The following SLC25A48 variants were observed in gnomAD, a reference collection of about 807,000 sequenced individuals.
SLC25A48 encodes the protein solute carrier family 25 member 48, also known as CTC-321K16.1.
In SLC25A48, 29 loss-of-function variants were observed where a neutral mutation model predicts 32.2. That is an observed-to-expected ratio of 0.90 (90% CI 0.67 to 1.23). The LOEUF is 1.23. Among genes scored for constraint, SLC25A48 ranks in the 50% most tolerant of loss-of-function variants. The pLI, the probability that SLC25A48 is intolerant of heterozygous loss-of-function variation, is 0.00. For synonymous variants in SLC25A48, 164 were observed against 172.3 expected (o/e 0.95, Z 0.38); for missense variants, 399 against 422.7 (o/e 0.94, Z 0.49).
intron 3 of SLC25A48, among the ~76,000 whole-genome samples, chr5:135,721,940 T>G (rs1754965094): frequency 6.6e-6 from 1 of 152,224 alleles, no homozygotes; most frequent in South Asian, 2.1e-4. Context: ...AAACCAGAAA[T>G]GATCCTCAGA....
chr5:135,795,535 C>T (rs75967598), intron 3 of SLC25A48, among the ~76,000 whole-genome samples: 7,690 of 151,840 alleles, frequency 0.051, 324 homozygotes, highest in Non-Finnish European at 0.068. Flanking sequence ...ATTGATATTA[C>T]GCTCAATATT....
chr5:135,797,924 C>T (rs1453990090), intron 3 of SLC25A48, among the ~76,000 whole-genome samples: 1 of 151,804 alleles, frequency 6.6e-6, no homozygotes, highest in Non-Finnish European at 1.5e-5. Context: ...TGATATTACT[C>T]CCAATACCGC....
At chr5:135,718,759 C>T (rs897930294) in intron 3 of SLC25A48, among the ~76,000 whole-genome samples, 2 of 151,946 alleles carry the variant, frequency 1.3e-5, no homozygotes, top group Non-Finnish European at 2.9e-5. Flanking sequence ...CCAAGGGTTA[C>T]TTACTGTATG....
At chr5:135,701,910 C>CTTAA (rs1754404674) in intron 3 of SLC25A48, among the ~76,000 whole-genome samples, 1 of 152,256 alleles carries the variant, frequency 6.6e-6, no homozygotes, top group South Asian at 2.1e-4. Flanking sequence ...CACTCTTTTG[C>CTTAA]TTAACATCCT....
Position 135,880,031 on chromosome 5 carries a change from C to T in SLC25A48, c.877C>T (p.Leu293Phe). ...CTTCCCCATGAGTGCGGCCATGTTC[C>T]TTGGGTACGAGCTGTCGCTGCAGGC... ...RGFPMSAAMF[L>F]GYELSLQAIR... The change falls in exon 7 of 8, where the codon CTT (leucine) becomes TTT (phenylalanine). Residue 293 changes from leucine to phenylalanine, a missense_variant. Transcript: ENST00000681962. 1 of 1,536,324 alleles carries T rather than the reference C, an allele frequency of 6.5e-7. No individual in the cohort carries two copies. The highest frequency in any genetic ancestry group is 8.7e-7 in the Non-Finnish European group (1 of 1,146,942).
intron 3 of SLC25A48, among the ~76,000 whole-genome samples, chr5:135,772,014 G>T (rs1209782556): frequency 1.3e-5 from 2 of 151,396 alleles, no homozygotes; most frequent in Admixed American, 6.6e-5. Flanking sequence ...ACTCCCCTAT[G>T]ATATTGTTCA....
At chr5:135,645,138 A>G (rs895867361) in intron 3 of SLC25A48, among the ~76,000 whole-genome samples, 1 of 152,192 alleles carries the variant, frequency 6.6e-6, no homozygotes, top group African/African-American at 2.4e-5. Context: ...GAGCGTTGAT[A>G]TAATTCCGAG....
At chr5:135,692,294 G>T (rs1248743156) in intron 3 of SLC25A48, among the ~76,000 whole-genome samples, 2 of 141,938 alleles carry the variant, frequency 1.4e-5, no homozygotes, top group East Asian at 4.1e-4. Context: ...ACTCCAGCCT[G>T]AGTGACAGAG....
chr5:135,789,188 G>A (rs1484483251), intron 3 of SLC25A48, among the ~76,000 whole-genome samples: 4 of 150,680 alleles, frequency 2.7e-5, no homozygotes, highest in Non-Finnish European at 5.9e-5. Context: ...ATGTTGCGGT[G>A]GGTGTACACC....
At chr5:135,703,588 A>G (rs545823800) in intron 3 of SLC25A48, among the ~76,000 whole-genome samples, 1 of 152,216 alleles carries the variant, frequency 6.6e-6, no homozygotes. Context: ...ACCTCTCAGC[A>G]AAAATATCAC....
chr5:135,645,081 G>A (rs752772548), intron 3 of SLC25A48, among the ~76,000 whole-genome samples: 6 of 152,218 alleles, frequency 3.9e-5, no homozygotes, highest in Non-Finnish European at 8.8e-5. Context: ...TCAGGTGCAC[G>A]CCAGTTTGGA....
At chr5:135,767,834 C>A (rs1157780288) in intron 3 of SLC25A48, among the ~76,000 whole-genome samples, 1 of 151,354 alleles carries the variant, frequency 6.6e-6, no homozygotes, top group Admixed American at 6.6e-5. Flanking sequence ...ATATTACTCC[C>A]AATATCGCAG....
At chr5:135,652,438 C>A (rs371137472) in intron 3 of SLC25A48, 1 of 456,138 alleles carries the variant, frequency 2.2e-6, no homozygotes, top group Non-Finnish European at 4.4e-6. Context: ...TTCTCCATAG[C>A]GTTGCTTCTG....
intron 3 of SLC25A48, among the ~76,000 whole-genome samples, chr5:135,722,777 G>A (rs1409552961): frequency 6.6e-6 from 1 of 152,248 alleles, no homozygotes; most frequent in Non-Finnish European, 1.5e-5. Context: ...ACAGTTAGGG[G>A]ATCTTAGAGG....
intron 3 of SLC25A48, among the ~76,000 whole-genome samples, chr5:135,711,432 A>G (rs1490941747): frequency 2.0e-5 from 3 of 152,164 alleles, no homozygotes; most frequent in Non-Finnish European, 2.9e-5. Flanking sequence ...TATGAACCCC[A>G]GCCTCTGGGA....
chr5:135,794,146 AGAT>A (rs1186491051), intron 3 of SLC25A48, among the ~76,000 whole-genome samples: 6 of 151,812 alleles, frequency 4.0e-5, no homozygotes, highest in Non-Finnish European at 7.4e-5. Context: ...TTCCCCAGTG[AGAT>A]TGTTCCTAAT....
intron 3 of SLC25A48, among the ~76,000 whole-genome samples, chr5:135,765,745 TG>T (rs1289264156): frequency 6.6e-6 from 1 of 151,700 alleles, no homozygotes; most frequent in Non-Finnish European, 1.5e-5. Flanking sequence ...TACACCTACC[TG>T]TGATATGGTT....
chr5:135,730,800 T>A (rs1034018542), intron 3 of SLC25A48, among the ~76,000 whole-genome samples: 1 of 152,112 alleles, frequency 6.6e-6, no homozygotes, highest in African/African-American at 2.4e-5. Context: ...TAGATGGAGA[T>A]GAGGAACTTG....
At chr5:135,703,406 C>A (rs1046169415) in intron 3 of SLC25A48, among the ~76,000 whole-genome samples, 1 of 152,314 alleles carries the variant, frequency 6.6e-6, no homozygotes, top group East Asian at 1.9e-4. Context: ...CCTTTTCTTA[C>A]CTTCTGAGGT....
Sources: gnomAD v4.1 joint callset for allele counts (sites outside exome capture counted in the v4.1 genomes callset) on GRCh38, gnomAD v4.1.1 for gene constraint, MANE v1.5 for transcripts, NCBI Gene and HGNC (gene_info 2026-07-23, HGNC 2026-07-21) for gene names.